The following PDE4B variants were observed in gnomAD, a reference collection of about 807,000 sequenced individuals.
The protein encoded by PDE4B is phosphodiesterase 4B.
Under a neutral mutation model 82.2 loss-of-function variants are expected in PDE4B, and 20 were observed. The observed-to-expected ratio is 0.24, with a 90% confidence interval of 0.17 to 0.35. PDE4B has a LOEUF of 0.35. Ranked by LOEUF, PDE4B falls within the 10% of genes least tolerant of loss-of-function variation. The pLI is 1.00. For synonymous variants in PDE4B, 320 were observed against 318.9 expected, an observed-to-expected ratio of 1.00 and a Z score of -0.04; for missense variants, 655 against 907.2, an observed-to-expected ratio of 0.72 and a Z score of 3.57.
intron 8 of PDE4B, among the ~76,000 whole-genome samples, chr1:66,333,002 T>C (rs1403016328): frequency 6.6e-6 from 1 of 152,218 alleles, no homozygotes; most frequent in Non-Finnish European, 1.5e-5. Context: ...CAATCAGGTG[T>C]CACATATTTA....
At chr1:66,227,260 T>A (rs1331927510) in intron 3 of PDE4B, among the ~76,000 whole-genome samples, 1 of 152,226 alleles carries the variant, frequency 6.6e-6, no homozygotes, top group African/African-American at 2.4e-5. Context: ...TAAGTTTGTG[T>A]CTTTGGTACA....
At chr1:66,268,030 G>T (rs1235280198) in intron 7 of PDE4B, among the ~76,000 whole-genome samples, 3 of 152,154 alleles carry the variant, frequency 2.0e-5, no homozygotes, top group Non-Finnish European at 2.9e-5. Flanking sequence ...GTAAGATCAG[G>T]TTTTTATTTC....
At chr1:66,038,962 A>G (rs1195267880) in intron 3 of PDE4B, among the ~76,000 whole-genome samples, 1 of 152,066 alleles carries the variant, frequency 6.6e-6, no homozygotes, top group Non-Finnish European at 1.5e-5. Flanking sequence ...AGTCCTATTC[A>G]GTAAAAATTT....
intron 7 of PDE4B, among the ~76,000 whole-genome samples, chr1:66,297,603 C>T (rs1015906099): frequency 2.0e-5 from 3 of 152,110 alleles, no homozygotes; most frequent in African/African-American, 7.2e-5. Context: ...TCCAAAAAGT[C>T]CTTTTTATTA....
intron 1 of PDE4B, among the ~76,000 whole-genome samples, chr1:65,794,208 G>T (rs1033587309): frequency 6.6e-5 from 10 of 152,140 alleles, no homozygotes; most frequent in African/African-American, 1.9e-4. Context: ...CTGCATCTTA[G>T]ATCTGAGATA....
intron 3 of PDE4B, chr1:66,094,589 G>C (rs1028683115): frequency 6.6e-6 from 1 of 151,918 alleles, no homozygotes; most frequent in African/African-American, 2.4e-5. Flanking sequence ...CTTGGCTTAC[G>C]AACTTTGAGA....
At chr1:66,314,250 C>A (rs1658864694) in intron 7 of PDE4B, among the ~76,000 whole-genome samples, 1 of 152,144 alleles carries the variant, frequency 6.6e-6, no homozygotes, top group Admixed American at 6.5e-5. Context: ...CCATTGAGAG[C>A]CATCTTACAT....
chr1:65,983,886 G>A (rs1026022256), intron 3 of PDE4B, among the ~76,000 whole-genome samples: 5 of 152,182 alleles, frequency 3.3e-5, no homozygotes, highest in Admixed American at 3.3e-4. Flanking sequence ...TATAAGGATA[G>A]TTGAACGAGT....
intron 3 of PDE4B, among the ~76,000 whole-genome samples, chr1:66,212,338 T>C (rs565846567): frequency 3.3e-4 from 50 of 152,208 alleles, no homozygotes; most frequent in Non-Finnish European, 6.3e-4. Flanking sequence ...CTTTTGTCTT[T>C]CTGTACATAG....
At chr1:66,326,327 A>T (rs1035933698) in intron 7 of PDE4B, among the ~76,000 whole-genome samples, 1 of 152,216 alleles carries the variant, frequency 6.6e-6, no homozygotes, top group Non-Finnish European at 1.5e-5. Flanking sequence ...CAGTTCCCAG[A>T]CCAAGAAATA....
chr1:66,253,217 G>C (rs1281289882), intron 4 of PDE4B, among the ~76,000 whole-genome samples: 1 of 151,664 alleles, frequency 6.6e-6, no homozygotes, highest in Non-Finnish European at 1.5e-5. Flanking sequence ...AATTCACTTT[G>C]GCTCCAAAAT....
intron 3 of PDE4B, among the ~76,000 whole-genome samples, chr1:66,147,472 CT>C (rs1340469182): frequency 7.9e-5 from 12 of 152,224 alleles, no homozygotes; most frequent in Admixed American, 1.3e-4. Flanking sequence ...ATGACACCAG[CT>C]ACCTTCCACA....
At chr1:66,061,449 G>A (rs1469024693) in intron 3 of PDE4B, among the ~76,000 whole-genome samples, 1 of 151,712 alleles carries the variant, frequency 6.6e-6, no homozygotes, top group African/African-American at 2.4e-5. Context: ...AGGACAGGCT[G>A]GTGAAAGGCA....
intron 3 of PDE4B, among the ~76,000 whole-genome samples, chr1:66,044,170 A>C (rs1306792962): frequency 6.6e-6 from 1 of 151,746 alleles, no homozygotes; most frequent in Non-Finnish European, 1.5e-5. Context: ...AGGACTGAAA[A>C]GGGGTGAATT....
chr1:66,081,667 G>A (rs908832424), intron 3 of PDE4B, among the ~76,000 whole-genome samples: 1 of 152,084 alleles, frequency 6.6e-6, no homozygotes, highest in African/African-American at 2.4e-5. Flanking sequence ...ATATGAACTA[G>A]TAGAAAGTGT....
At chr1:66,013,994 T>A (rs1365339363) in intron 3 of PDE4B, among the ~76,000 whole-genome samples, 1 of 152,176 alleles carries the variant, frequency 6.6e-6, no homozygotes, top group Non-Finnish European at 1.5e-5. Flanking sequence ...GTTATCCTAA[T>A]GGGTGTTAGA....
intron 3 of PDE4B, among the ~76,000 whole-genome samples, chr1:66,210,726 C>T (rs1430539282): frequency 6.6e-6 from 1 of 151,196 alleles, no homozygotes; most frequent in Admixed American, 6.6e-5. Context: ...GTTTGCCAAA[C>T]AGGCAGGAGC....
At chr1:66,351,246 T>C (rs1426123721) in intron 8 of PDE4B, among the ~76,000 whole-genome samples, 4 of 152,230 alleles carry the variant, frequency 2.6e-5, no homozygotes, top group Non-Finnish European at 5.9e-5. Context: ...AGGGTTTTCC[T>C]GTGAAGGCAG....
At chr1:66,191,963 T>C (rs1647848794) in intron 3 of PDE4B, among the ~76,000 whole-genome samples, 1 of 152,098 alleles carries the variant, frequency 6.6e-6, no homozygotes, top group South Asian at 2.1e-4. Context: ...CACGGGTCCC[T>C]CCCACAACAC....
Sources: allele counts gnomAD v4.1 joint callset (sites outside exome capture counted in the v4.1 genomes callset), GRCh38; gene constraint gnomAD v4.1.1; transcripts MANE v1.5; gene names NCBI Gene and HGNC (gene_info 2026-07-23, HGNC 2026-07-21).